CCSER1: variants seen among roughly 807,000 people sequenced by gnomAD.
The protein encoded by CCSER1 is serine-rich coiled-coil domain-containing protein 1.
Under a neutral mutation model 82.0 loss-of-function variants are expected in CCSER1, and 41 were observed. The ratio of observed to expected loss-of-function variants is 0.50; its 90% confidence interval spans 0.39 to 0.65. The LOEUF (loss-of-function observed/expected upper bound fraction) is 0.65, where lower values mean the gene tolerates loss of function less well. Among genes scored for constraint, CCSER1 ranks in the 30% least tolerant of loss-of-function variants. The pLI, the probability that CCSER1 is intolerant of heterozygous loss-of-function variation, is 0.00. For missense variants in CCSER1, 1,119 were observed against 1,064.2 expected, an observed-to-expected ratio of 1.05 and a Z score of -0.72; for synonymous variants, 414 against 383.9, an observed-to-expected ratio of 1.08 and a Z score of -0.92.
At chr4:91,163,788 A>T (rs1731718625) in intron 10 of CCSER1, among the ~76,000 whole-genome samples, 1 of 151,916 alleles carries the variant, frequency 6.6e-6, no homozygotes, top group African/African-American at 2.4e-5. Flanking sequence ...TGCTTGGTAG[A>T]TCTTCCTCTA....
At chr4:90,244,164 T>G (rs939413183) in intron 1 of CCSER1, among the ~76,000 whole-genome samples, 3 of 152,208 alleles carry the variant, frequency 2.0e-5, no homozygotes, top group African/African-American at 7.2e-5. Context: ...CAGAGGTTAT[T>G]TAACAGATAT....
chr4:90,762,613 C>G (rs1750577588), intron 7 of CCSER1, among the ~76,000 whole-genome samples: 1 of 152,088 alleles, frequency 6.6e-6, no homozygotes, highest in African/African-American at 2.4e-5. Context: ...TTATGCATCA[C>G]CTCTGTAAAC....
At chr4:90,170,316 TAATATG>T (rs1371237567) in intron 1 of CCSER1, among the ~76,000 whole-genome samples, 1 of 151,972 alleles carries the variant, frequency 6.6e-6, no homozygotes, top group Non-Finnish European at 1.5e-5. Context: ...ATATCACAGA[TAATATG>T]TATATTGTTT....
chr4:91,223,367 A>G (rs761208648), intron 10 of CCSER1, among the ~76,000 whole-genome samples: 4 of 152,152 alleles, frequency 2.6e-5, no homozygotes, highest in Non-Finnish European at 4.4e-5. Context: ...CAATGTATCT[A>G]CAGAAAAAAA....
chr4:90,569,958 C>T (rs1779907599), intron 5 of CCSER1, among the ~76,000 whole-genome samples: 1 of 152,156 alleles, frequency 6.6e-6, no homozygotes, highest in Non-Finnish European at 1.5e-5. Context: ...GCAGTTTGCC[C>T]CTCAGAATAG....
chr4:91,512,267 C>T (rs1248317302), intron 10 of CCSER1, among the ~76,000 whole-genome samples: 1 of 152,206 alleles, frequency 6.6e-6, no homozygotes, highest in Admixed American at 6.5e-5. Context: ...ATCTAATCAA[C>T]TGCCAGTGTG....
chr4:90,175,159 A>G (rs1354105583), intron 1 of CCSER1, among the ~76,000 whole-genome samples: 2 of 152,046 alleles, frequency 1.3e-5, no homozygotes, highest in African/African-American at 2.4e-5. Flanking sequence ...CCACAATGGA[A>G]TAATACTAAA....
intron 7 of CCSER1, chr4:90,782,005 G>T: frequency 1.2e-6 from 1 of 855,942 alleles, no homozygotes; most frequent in Non-Finnish European, 1.4e-6. Flanking sequence ...CTATTATAAA[G>T]TATTTTCCTA....
chr4:90,345,878 A>C (rs1393845784), intron 3 of CCSER1, among the ~76,000 whole-genome samples: 1 of 152,138 alleles, frequency 6.6e-6, no homozygotes, highest in East Asian at 1.9e-4. Context: ...CATTTCAGAA[A>C]TTAACCATTA....
chr4:90,223,022 C>T (rs900832262), intron 1 of CCSER1, among the ~76,000 whole-genome samples: 14 of 152,102 alleles, frequency 9.2e-5, no homozygotes, highest in Non-Finnish European at 1.9e-4. Flanking sequence ...TATAGGTTCA[C>T]GCATCCATCA....
intron 5 of CCSER1, among the ~76,000 whole-genome samples, chr4:90,529,951 AT>A (rs1553934491): frequency 0.013 from 1,694 of 127,120 alleles, 11 homozygotes; most frequent in Middle Eastern, 0.051. Context: ...ATATATATAT[AT>A]TTTTTTTTTC....
At chr4:90,713,098 C>T (rs1740961654) in intron 6 of CCSER1, among the ~76,000 whole-genome samples, 1 of 151,736 alleles carries the variant, frequency 6.6e-6, no homozygotes, top group Non-Finnish European at 1.5e-5. Flanking sequence ...CTTTATCTAG[C>T]TTGCCATTCT....
intron 10 of CCSER1, among the ~76,000 whole-genome samples, chr4:91,260,793 C>G (rs1382038373): frequency 6.6e-6 from 1 of 151,942 alleles, no homozygotes; most frequent in African/African-American, 2.4e-5. Flanking sequence ...GGGAGTCTCA[C>G]TCAGTCGCCC....
At chr4:91,059,912 T>G (rs1160701714) in intron 9 of CCSER1, among the ~76,000 whole-genome samples, 1 of 152,034 alleles carries the variant, frequency 6.6e-6, no homozygotes, top group African/African-American at 2.4e-5. Flanking sequence ...TAGTGACAGG[T>G]TCACACAAAC....
At chr4:91,364,122 G>C (rs1011448592) in intron 10 of CCSER1, among the ~76,000 whole-genome samples, 2 of 151,984 alleles carry the variant, frequency 1.3e-5, no homozygotes, top group Admixed American at 1.3e-4. Context: ...TATAGTCAAT[G>C]GCAAAACAGC....
chr4:90,583,993 T>A (rs965159460), intron 5 of CCSER1, among the ~76,000 whole-genome samples: 23 of 152,178 alleles, frequency 1.5e-4, no homozygotes, highest in Admixed American at 2.0e-4. Context: ...ATCAAGATTA[T>A]AATTGTGCAT....
chr4:91,042,613 G>C (rs577253636), intron 9 of CCSER1, among the ~76,000 whole-genome samples: 1 of 152,184 alleles, frequency 6.6e-6, no homozygotes, highest in South Asian at 2.1e-4. Context: ...TCTAAAATCT[G>C]CTTTTTTCTT....
At chr4:91,403,609 C>T (rs188456700) in intron 10 of CCSER1, among the ~76,000 whole-genome samples, 15 of 151,932 alleles carry the variant, frequency 9.9e-5, no homozygotes, top group South Asian at 4.2e-4. Flanking sequence ...CATGAAGGGC[C>T]GCTAAATATT....
chr4:90,854,909 G>A (rs1024210647), intron 8 of CCSER1, among the ~76,000 whole-genome samples: 1 of 152,074 alleles, frequency 6.6e-6, no homozygotes, highest in African/African-American at 2.4e-5. Flanking sequence ...AAGTATGGCT[G>A]GGAGGCCTTA....
Sources: allele counts gnomAD v4.1 joint callset (sites outside exome capture counted in the v4.1 genomes callset), GRCh38; gene constraint gnomAD v4.1.1; transcripts MANE v1.5; gene names NCBI Gene and HGNC (gene_info 2026-07-23, HGNC 2026-07-21).